CTIF: variants seen among roughly 807,000 people sequenced by gnomAD.
CTIF encodes cap binding complex dependent translation initiation factor.
Under a neutral mutation model 66.0 loss-of-function variants are expected in CTIF, and 21 were observed. The observed-to-expected ratio is 0.32, with a 90% CI of 0.23 to 0.46. The LOEUF is 0.46. CTIF is among the 20% of genes least tolerant of loss of function. The probability of loss-of-function intolerance (pLI) is 1.00; values close to 1 mark genes in which losing one functional copy is unlikely to be tolerated. For missense variants in CTIF, 739 were observed against 812.7 expected, an observed-to-expected ratio of 0.91 and a Z score of 1.10; for synonymous variants, 345 against 326.4, an observed-to-expected ratio of 1.06 and a Z score of -0.62.
intron 9 of CTIF, among the ~76,000 whole-genome samples, chr18:48,776,321 G>A (rs541234334): frequency 3.9e-5 from 6 of 152,344 alleles, no homozygotes; most frequent in South Asian, 2.1e-4. Context: ...GGCGCCCACC[G>A]CCCAACCAGG....
intron 3 of CTIF, among the ~76,000 whole-genome samples, chr18:48,656,941 T>C (rs932547340): frequency 5.3e-5 from 8 of 152,186 alleles, no homozygotes; most frequent in Non-Finnish European, 8.8e-5. Context: ...GATGGGTAGC[T>C]GACAGTGCCC....
At chr18:48,775,666 A>G (rs1910603586) in intron 9 of CTIF, among the ~76,000 whole-genome samples, 1 of 152,266 alleles carries the variant, frequency 6.6e-6, no homozygotes, top group African/African-American at 2.4e-5. Flanking sequence ...GCCAGAGGGC[A>G]GTTTAGGAAC....
chr18:48,798,665 T>A (rs1443151321), intron 9 of CTIF, among the ~76,000 whole-genome samples: 2 of 152,202 alleles, frequency 1.3e-5, no homozygotes, highest in Non-Finnish European at 2.9e-5. Flanking sequence ...CCTCTCTTAA[T>A]GCGCTCCCCA....
intron 6 of CTIF, among the ~76,000 whole-genome samples, chr18:48,690,211 T>G (rs536204485): frequency 6.6e-6 from 1 of 152,272 alleles, no homozygotes; most frequent in Admixed American, 6.5e-5. Flanking sequence ...AATTTTATTT[T>G]ATTTGGGCGT....
chr18:48,701,264 G>C (rs1032686050), intron 6 of CTIF, among the ~76,000 whole-genome samples: 6 of 152,134 alleles, frequency 3.9e-5, no homozygotes, highest in Non-Finnish European at 7.3e-5. Flanking sequence ...CTGGTCTGCA[G>C]CAGCTTGAAG....
chr18:48,803,196 C>T (rs929072033), intron 9 of CTIF, among the ~76,000 whole-genome samples: 36 of 152,170 alleles, frequency 2.4e-4, no homozygotes, highest in African/African-American at 8.4e-4. Flanking sequence ...GGAAATGTCT[C>T]CAGAGTGATC....
In CTIF at chr18:48,632,134, C is replaced by T. The variant is rs549410909; in HGVS notation, c.181-4480C>T. Among the ~76,000 whole-genome samples, 4 of 152,258 alleles carry T rather than the reference C, an allele frequency of 2.6e-5. No homozygotes were observed. The South Asian group carries it at 8.3e-4, about 32-fold the overall frequency. On this transcript the variant is annotated intron_variant, in intron 2 of 11. Transcript: ENST00000256413. ...GAACTTCGGAATAGGGAAGGGAGGG[C>T]TACCAGAGGGCCTTTAGGGCCAGGG...
At chr18:48,680,456 G>A (rs1349173113) in intron 6 of CTIF, among the ~76,000 whole-genome samples, 2 of 152,272 alleles carry the variant, frequency 1.3e-5, no homozygotes, top group African/African-American at 2.4e-5. Context: ...AGCCCTGCTG[G>A]AGGAATGAGC....
chr18:48,824,013 C>G (rs3082700), intron 10 of CTIF, among the ~76,000 whole-genome samples: 1,596 of 146,712 alleles, frequency 0.011, 25 homozygotes, highest in Non-Finnish European at 0.016. Flanking sequence ...CACACACACA[C>G]AAACTGCTAG....
intron 1 of CTIF, among the ~76,000 whole-genome samples, chr18:48,547,540 G>A (rs1039525672): frequency 2.6e-5 from 4 of 152,310 alleles, no homozygotes; most frequent in East Asian, 1.9e-4. Flanking sequence ...GCTTGTGGCC[G>A]GGAGTTTATT....
chr18:48,731,660 G>A (rs2092457718), intron 7 of CTIF, among the ~76,000 whole-genome samples: 1 of 152,210 alleles, frequency 6.6e-6, no homozygotes, highest in South Asian at 2.1e-4. Flanking sequence ...ATAAACCACT[G>A]AATAAAGAAG....
intron 1 of CTIF, among the ~76,000 whole-genome samples, chr18:48,588,163 T>C (rs1042586973): frequency 1.3e-5 from 2 of 152,192 alleles, no homozygotes; most frequent in South Asian, 2.1e-4. Flanking sequence ...GGCAGCTCCA[T>C]GGGCATTCTT....
intron 6 of CTIF, among the ~76,000 whole-genome samples, chr18:48,680,638 C>T (rs2091724461): frequency 6.6e-6 from 1 of 152,262 alleles, no homozygotes; most frequent in South Asian, 2.1e-4. Context: ...TGTCCTTCAG[C>T]AGTTTCCAGG....
intron 9 of CTIF, among the ~76,000 whole-genome samples, chr18:48,767,216 C>T (rs1909653862): frequency 6.6e-6 from 1 of 152,136 alleles, no homozygotes; most frequent in Non-Finnish European, 1.5e-5. Flanking sequence ...CAAAAGTTTC[C>T]TTGGATCCTC....
At chr18:48,772,892 C>T (rs532415864) in intron 9 of CTIF, among the ~76,000 whole-genome samples, 53 of 152,176 alleles carry the variant, frequency 3.5e-4, no homozygotes, top group South Asian at 6.2e-4. Context: ...TTATCTTTAG[C>T]TTTTTGAGTA....
intron 1 of CTIF, among the ~76,000 whole-genome samples, chr18:48,560,261 C>T (rs2089124798): frequency 6.8e-6 from 1 of 148,124 alleles, no homozygotes; most frequent in African/African-American, 2.5e-5. Context: ...GAGTCTCGCT[C>T]TGTTGCCCAG....
chr18:48,790,656 C>G (rs1305606405), intron 9 of CTIF, among the ~76,000 whole-genome samples: 1 of 152,214 alleles, frequency 6.6e-6, no homozygotes, highest in Admixed American at 6.5e-5. Flanking sequence ...CATGGAGGAG[C>G]AGACGAAGGG....
At chr18:48,756,680 G>T (rs967581547) in intron 7 of CTIF, among the ~76,000 whole-genome samples, 1 of 152,198 alleles carries the variant, frequency 6.6e-6, no homozygotes, top group Non-Finnish European at 1.5e-5. Flanking sequence ...CACCCTGAGG[G>T]TAAAATGGAG....
At chr18:48,612,217 G>A (rs570209825) in intron 1 of CTIF, among the ~76,000 whole-genome samples, 2 of 152,348 alleles carry the variant, frequency 1.3e-5, no homozygotes, top group East Asian at 3.9e-4. Context: ...CTGGAGTCTT[G>A]AAGGGGAGTG....
Sources: allele counts gnomAD v4.1 joint callset (sites outside exome capture counted in the v4.1 genomes callset), GRCh38; gene constraint gnomAD v4.1.1; transcripts MANE v1.5; gene names NCBI Gene and HGNC (gene_info 2026-07-23, HGNC 2026-07-21).